The following TTC28 variants were observed in gnomAD, a reference collection of about 807,000 sequenced individuals.
TTC28 encodes the protein tetratricopeptide repeat domain 28, also known as tetratricopeptide repeat protein 28.
TTC28 carries 61 observed loss-of-function variants against 198.0 expected under a neutral mutation model. The ratio of observed to expected loss-of-function variants is 0.31; its 90% confidence interval spans 0.25 to 0.38. TTC28 has a LOEUF of 0.38. Ranked by LOEUF, TTC28 falls within the 10% of genes least tolerant of loss-of-function variation. TTC28 has a pLI of 1.00. For synonymous variants in TTC28, 1,171 were observed against 1,297.8 expected (o/e 0.90, Z 2.10); for missense variants, 2,678 against 3,164.0 (o/e 0.85, Z 3.69).
chr22:28,187,901 A>G (rs1448776885), intron 5 of TTC28, among the ~76,000 whole-genome samples: 1 of 152,250 alleles, frequency 6.6e-6, no homozygotes, highest in East Asian at 1.9e-4. Flanking sequence ...CCTCACCACA[A>G]TGGCAGAATC....
In TTC28 at chr22:27,981,567, A is replaced by AAAAG. The variant is rs1253642050; in HGVS notation, c.*650_*653dup. On this transcript the variant is annotated 3_prime_UTR_variant, in exon 23 of 23. Coordinates refer to ENST00000397906, the MANE Select transcript of TTC28 (RefSeq NM_001145418.2). ...TCAAGTTTGGTTGACAGCGGGACCCAAAAGACATTTGCAGAGCAGAGTTCA... is the reference window on the plus strand; with the variant it reads ...TCAAGTTTGGTTGACAGCGGGACCCAAAAGAAAGACATTTGCAGAGCAGAGTTCA... 2.6e-5 allele frequency: 4 copies of AAAAG among 152,216 alleles called. No homozygotes were observed. Among genetic ancestry groups the AAAAG allele is most frequent in the South Asian group, 2.1e-4 (1 of 4,820 alleles). 9.4% of individuals were successfully genotyped at this position (152,216 alleles called of 1,614,324 possible).
In TTC28 at chr22:28,679,696, C is replaced by T. The variant is rs1202519176; in HGVS notation, c.28G>A (p.Glu10Lys). MEQSPPPAP[E>K]PTQGPTPARS... is the part of the protein sequence containing the mutation. ...GCGGGGGTCGGCCCTTGGGTCGGCTCGGGCGCCGGCGGCGGCGACTGCTCC... is the reference window on the plus strand; with the variant it reads ...GCGGGGGTCGGCCCTTGGGTCGGCTTGGGCGCCGGCGGCGGCGACTGCTCC... Residue 10 changes from glutamate (E) to lysine (K), a missense_variant, in exon 1 of 23, where the codon GAG becomes AAG. Physicochemically the swap from Glu to Lys is moderately conservative, Grantham distance 56. Coordinates refer to ENST00000397906, the MANE Select transcript of TTC28 (RefSeq NM_001145418.2). 1.6e-6 allele frequency: 2 copies of T among 1,289,380 alleles called. No homozygotes were observed. The highest frequency in any genetic ancestry group is 3.0e-4 in the Middle Eastern group (1 of 3,318). The allele number at this position is 1,289,380 out of a possible 1,614,324, so 79.9% of individuals were successfully genotyped here.
At chr22:28,081,296 T>C (rs1941349065) in intron 12 of TTC28, among the ~76,000 whole-genome samples, 1 of 151,930 alleles carries the variant, frequency 6.6e-6, no homozygotes, top group Non-Finnish European at 1.5e-5. Context: ...TTCTCATGCC[T>C]CATCCACCCA....
intron 1 of TTC28, among the ~76,000 whole-genome samples, chr22:28,657,902 G>A (rs1389095231): frequency 6.6e-6 from 1 of 151,996 alleles, no homozygotes; most frequent in East Asian, 1.9e-4. Flanking sequence ...ATTATTGATT[G>A]AAGCTCAAAA....
intron 2 of TTC28, among the ~76,000 whole-genome samples, chr22:28,415,880 A>T (rs1359389698): frequency 6.6e-6 from 1 of 152,232 alleles, no homozygotes; most frequent in African/African-American, 2.4e-5. Flanking sequence ...TAACTTATTT[A>T]AAAAGGCCAA....
intron 12 of TTC28, among the ~76,000 whole-genome samples, chr22:28,093,832 C>G (rs1366375005): frequency 6.6e-6 from 1 of 152,174 alleles, no homozygotes; most frequent in African/African-American, 2.4e-5. Flanking sequence ...ATCCTGCTTA[C>G]AGAATGGGCA....
chr22:28,333,624 G>C (rs933521780), intron 2 of TTC28, among the ~76,000 whole-genome samples: 2 of 152,012 alleles, frequency 1.3e-5, no homozygotes, highest in African/African-American at 4.8e-5. Context: ...CACTTCTATA[G>C]CAGCTACACC....
intron 2 of TTC28, among the ~76,000 whole-genome samples, chr22:28,317,241 A>T (rs1415264516): frequency 1.3e-5 from 2 of 152,114 alleles, no homozygotes; most frequent in Non-Finnish European, 2.9e-5. Flanking sequence ...TTTAACCTTT[A>T]TGTCATCTTA....
chr22:28,308,684 T>A (rs1265247261), intron 2 of TTC28, among the ~76,000 whole-genome samples: 2 of 152,140 alleles, frequency 1.3e-5, no homozygotes, highest in African/African-American at 2.4e-5. Flanking sequence ...GCATGTTTTG[T>A]TTTCTTAGAA....
intron 12 of TTC28, among the ~76,000 whole-genome samples, chr22:28,055,722 C>T (rs932869578): frequency 3.9e-5 from 6 of 152,108 alleles, no homozygotes; most frequent in Admixed American, 3.9e-4. Context: ...CAAGATTTGC[C>T]TCTAAGTTTA....
intron 12 of TTC28, among the ~76,000 whole-genome samples, chr22:28,077,060 C>T (rs1271852855): frequency 2.6e-5 from 4 of 152,102 alleles, no homozygotes; most frequent in Non-Finnish European, 5.9e-5. Flanking sequence ...TATTATAGTT[C>T]TATTATGTAG....
intron 2 of TTC28, among the ~76,000 whole-genome samples, chr22:28,547,313 T>C (rs1244613881): frequency 6.6e-6 from 1 of 152,136 alleles, no homozygotes; most frequent in Non-Finnish European, 1.5e-5. Context: ...TGATTGGGAC[T>C]GCCAAAGTTT....
intron 6 of TTC28, among the ~76,000 whole-genome samples, chr22:28,118,132 C>T (rs895121965): frequency 1.3e-5 from 2 of 152,182 alleles, no homozygotes; most frequent in Admixed American, 6.5e-5. Context: ...GGAGCGGTGG[C>T]TCACACCTGT....
chr22:28,446,448 G>T (rs951517912), intron 2 of TTC28, among the ~76,000 whole-genome samples: 1 of 152,122 alleles, frequency 6.6e-6, no homozygotes, highest in Non-Finnish European at 1.5e-5. Flanking sequence ...AATGTCAGAG[G>T]TGGGGCCTGG....
chr22:28,272,644 CT>C (rs1932165156), intron 5 of TTC28, among the ~76,000 whole-genome samples: 1 of 152,190 alleles, frequency 6.6e-6, no homozygotes, highest in Non-Finnish European at 1.5e-5. Flanking sequence ...CCGAAAATAA[CT>C]TTTAAAATTG....
intron 6 of TTC28, among the ~76,000 whole-genome samples, chr22:28,160,063 G>C (rs1451881002): frequency 6.6e-6 from 1 of 152,194 alleles, no homozygotes; most frequent in African/African-American, 2.4e-5. Flanking sequence ...GGCTGGGAAG[G>C]GTAGTGGGGG....
chr22:28,134,015 C>T (rs1943130417), intron 6 of TTC28, among the ~76,000 whole-genome samples: 1 of 152,188 alleles, frequency 6.6e-6, no homozygotes, highest in Non-Finnish European at 1.5e-5. Context: ...GACGAAGCTT[C>T]CAGAGGAACG....
intron 6 of TTC28, among the ~76,000 whole-genome samples, chr22:28,140,912 A>G (rs1357102841): frequency 1.3e-5 from 2 of 151,758 alleles, no homozygotes; most frequent in African/African-American, 2.4e-5. Flanking sequence ...ATAAAGCTGT[A>G]GTAACCTTTA....
At chr22:28,010,649 C>T (rs1938116014) in intron 14 of TTC28, among the ~76,000 whole-genome samples, 2 of 152,154 alleles carry the variant, frequency 1.3e-5, no homozygotes, top group Admixed American at 6.5e-5. Context: ...GCAGGCATGT[C>T]GACTGGAGCA....
Sources: allele counts gnomAD v4.1 joint callset (sites outside exome capture counted in the v4.1 genomes callset), GRCh38; gene constraint gnomAD v4.1.1; transcripts MANE v1.5; gene names NCBI Gene and HGNC (gene_info 2026-07-23, HGNC 2026-07-21).